Variants in ZNF260 observed in about 807,000 individuals in gnomAD.
ZNF260 encodes zfp-260.
ZNF260 carries 21 observed loss-of-function variants against 29.3 expected under a neutral mutation model. That is an observed-to-expected ratio of 0.72 (90% CI 0.51 to 1.03). The LOEUF (loss-of-function observed/expected upper bound fraction) is 1.03, where lower values mean the gene tolerates loss of function less well. Ranked by LOEUF, ZNF260 falls within the 50% of genes least tolerant of loss-of-function variation. The probability of loss-of-function intolerance (pLI) is 0.00; values close to 1 mark genes in which losing one functional copy is unlikely to be tolerated. For synonymous variants in ZNF260, 156 were observed against 156.8 expected (o/e 0.99, Z 0.04); for missense variants, 465 against 487.8 (o/e 0.95, Z 0.44).
rs1467675807 is a variant in ZNF260 at position 36,525,195 on chromosome 19, T to C, written c.-502A>G. On this transcript the variant is annotated 5_prime_UTR_variant, in exon 2 of 3. It removes an upstream start codon present in the reference 5' UTR. Coordinates refer to ENST00000523638, the MANE Select transcript of ZNF260 (RefSeq NM_001166037.2). ...TCACACAAAGAGAACCTTCTTTACA[T>C]TTCTTTCTCAATCATCTGTTGCTGT... is the stretch of plus-strand genomic sequence containing the variant. The C allele has an allele frequency of 2.6e-5, 4 of 152,238 alleles. No individual in the cohort carries two copies. The East Asian group carries it at 7.7e-4, about 29-fold the overall frequency. The allele number at this position is 152,238 out of a possible 1,614,324, so 9.4% of individuals were successfully genotyped here. A position where few individuals can be genotyped will look rare whatever the true frequency, so the allele number is the denominator to read the frequency against.
In ZNF260 at chr19:36,514,566, A is replaced by G; in HGVS notation, c.673T>C (p.Cys225Arg). 3 of 1,613,886 alleles carry G rather than the reference A, an allele frequency of 1.9e-6. No individual in the cohort carries two copies. In the South Asian group the frequency reaches 3.3e-5, roughly 18 times the overall value. The change falls in exon 3 of 3, where the codon TGT becomes CGT. Residue 225 changes from cysteine (C) to arginine (R), a missense_variant. By Grantham distance (180) the Cys-to-Arg change is radical. Coordinates refer to ENST00000523638, the MANE Select transcript of ZNF260 (RefSeq NM_001166037.2). ...GACTTCTGAATGAAAGCTTTCCCACACCCTTTACATTCATAAGGTTTCTCT... is the reference window on the plus strand; with the variant it reads ...GACTTCTGAATGAAAGCTTTCCCACGCCCTTTACATTCATAAGGTTTCTCT... ...TGEKPYECKG[C>R]GKAFIQKSSL...
intron 2 of ZNF260, among the ~76,000 whole-genome samples, chr19:36,524,697 A>T (rs1358855431): frequency 6.6e-6 from 1 of 151,782 alleles, no homozygotes; most frequent in Non-Finnish European, 1.5e-5. Context: ...GGTACTTAAG[A>T]TTAGGGAGTG....
chr19:36,510,726 A>G lies in ZNF260; in HGVS notation c.*3274T>C, dbSNP rs1217770538. 6.6e-6 allele frequency: 1 copy of G among 152,228 alleles called. No homozygotes were observed. The highest frequency in any genetic ancestry group is 1.5e-5 in the Non-Finnish European group (1 of 68,028). 9.4% of individuals were successfully genotyped at this position (152,228 alleles called of 1,614,324 possible). The stretch of plus-strand genomic sequence containing the variant: ...ATGAATTTTTATTGTACCATTTCTT[A>G]TGGTGGCAAATAAGCAAACTGTGAG... On this transcript the variant is annotated 3_prime_UTR_variant, in exon 3 of 3. Transcript: ENST00000523638.
intron 2 of ZNF260, among the ~76,000 whole-genome samples, chr19:36,519,698 C>CA (rs1488168818): frequency 6.6e-6 from 1 of 151,614 alleles, no homozygotes; most frequent in African/African-American, 2.4e-5. Flanking sequence ...ATACTCTGAC[C>CA]AAAAAAACAA....
intron 2 of ZNF260, among the ~76,000 whole-genome samples, chr19:36,520,859 CAAAAAAAA>C (rs35180207): frequency 9.3e-4 from 61 of 65,896 alleles, no homozygotes; most frequent in Non-Finnish European, 1.4e-3. Flanking sequence ...GATTCCGTCT[CAAAAAAAA>C]AAAAAAAAAA....
chr19:36,526,278 C>CGA lies in ZNF260; in HGVS notation c.-680-906_-680-905insTC, dbSNP rs1158001218. Reference sequence around the variant, plus strand: ...ATATAAAGCCAGGCATGGTGGCTCACGCCTGTAATCCCAGCACTTTGGGAG... The same window carrying CGA: ...ATATAAAGCCAGGCATGGTGGCTCACGAGCCTGTAATCCCAGCACTTTGGGAG... On this transcript the variant is annotated intron_variant, in intron 1 of 2. Transcript: ENST00000523638. Among the ~76,000 whole-genome samples the CGA allele has an allele frequency of 2.3e-4, 35 of 152,240 alleles. No individual in the cohort carries two copies. The South Asian group carries it at 2.9e-3, about 13-fold the overall frequency.
chr19:36,520,859 CA>C (rs35180207), intron 2 of ZNF260, among the ~76,000 whole-genome samples: 24,860 of 65,892 alleles, frequency 0.38, 1,904 homozygotes, highest in South Asian at 0.42. Flanking sequence ...GATTCCGTCT[CA>C]AAAAAAAAAA....
Position 36,514,409 on chromosome 19 carries a change from T to C in ZNF260, c.830A>G (p.Lys277Arg), listed in dbSNP as rs755915441. 8 of 1,613,462 alleles carry C rather than the reference T, an allele frequency of 5.0e-6. No individual in the cohort carries two copies. Among genetic ancestry groups the C allele is most frequent in the Admixed American group, 1.7e-5 (1 of 59,988 alleles). The change falls in exon 3 of 3, where the codon AAA becomes AGA. Residue 277 changes from lysine to arginine, a missense_variant. By Grantham distance (26) the Lys-to-Arg change is conservative (BLOSUM62 2). Transcript: ENST00000523638. ...EKIHIGEKPY[K>R]CNECGTIFRQ... ...GAAGATTGTTCCACATTCATTACAT[T>C]TGTAGGGTTTCTCTCCAATATGAAT...
At chr19:36,526,319 C>T (rs1238629443) in intron 1 of ZNF260, among the ~76,000 whole-genome samples, 2 of 152,038 alleles carry the variant, frequency 1.3e-5, no homozygotes, top group South Asian at 4.2e-4. Flanking sequence ...GGCAGGCTGA[C>T]CACCTGAGGT....
intron 2 of ZNF260, among the ~76,000 whole-genome samples, chr19:36,522,782 A>G (rs754252430): frequency 2.0e-5 from 3 of 152,216 alleles, no homozygotes; most frequent in Non-Finnish European, 4.4e-5. Flanking sequence ...GGAGGAATCC[A>G]TATGTTTCAG....
intron 1 of ZNF260, among the ~76,000 whole-genome samples, chr19:36,526,143 A>T (rs1382156972): frequency 6.6e-6 from 1 of 152,242 alleles, no homozygotes; most frequent in Non-Finnish European, 1.5e-5. Context: ...GAGAAGTTAA[A>T]TATAGTAAGT....
intron 2 of ZNF260, among the ~76,000 whole-genome samples, chr19:36,524,352 T>C (rs1039632011): frequency 2.0e-5 from 3 of 151,750 alleles, no homozygotes; most frequent in Non-Finnish European, 4.4e-5. Flanking sequence ...ATTTTGTTTT[T>C]GTATTTTTAG....
intron 2 of ZNF260, among the ~76,000 whole-genome samples, chr19:36,515,992 C>T (rs750192042): frequency 6.6e-6 from 1 of 151,974 alleles, no homozygotes; most frequent in Non-Finnish European, 1.5e-5. Context: ...CTGCCTCAGC[C>T]TCCCGAGTAG....
chr19:36,515,341 T>A lies in ZNF260; in HGVS notation c.-103A>T. ...AATTCATATGGTGTATTTTCAATATTAATTCTCAGGTATCTAATGAAGTTA... is the reference window on the plus strand; with the variant it reads ...AATTCATATGGTGTATTTTCAATATAAATTCTCAGGTATCTAATGAAGTTA... On this transcript the variant is annotated 5_prime_UTR_variant, in exon 3 of 3. Transcript: ENST00000523638. 8.2e-7 allele frequency: 1 copy of A among 1,221,756 alleles called. No individual in the cohort carries two copies. The highest frequency in any genetic ancestry group is 1.1e-6 in the Non-Finnish European group (1 of 908,340). 75.7% of individuals were successfully genotyped at this position (1,221,756 alleles called of 1,614,324 possible).
intron 2 of ZNF260, among the ~76,000 whole-genome samples, chr19:36,520,859 CAA>C (rs35180207): frequency 4.9e-3 from 325 of 65,874 alleles, no homozygotes; most frequent in African/African-American, 0.018. Flanking sequence ...GATTCCGTCT[CAA>C]AAAAAAAAAA....
At chr19:36,520,666 C>T (rs1186304218) in intron 2 of ZNF260, among the ~76,000 whole-genome samples, 1 of 152,022 alleles carries the variant, frequency 6.6e-6, no homozygotes, top group Admixed American at 6.6e-5. Context: ...CTCTGGCTAA[C>T]ATGGTGAAAC....
At position 36,522,492 on chromosome 19, in the gene ZNF260, C is replaced by T. The variant is rs151020136; in HGVS notation, c.-462+2663G>A. On this transcript the variant is annotated intron_variant, in intron 2 of 2. Coordinates refer to ENST00000523638, the MANE Select transcript of ZNF260 (RefSeq NM_001166037.2). ...TAAATAAATAAAATAAAAAAAAACA[C>T]CACAAGGTTGGCAAACTAAAAGAGT... 2.6e-5 allele frequency among the ~76,000 whole-genome samples: 4 copies of T among 152,088 alleles called. No homozygotes were observed. The East Asian group carries it at 7.7e-4, about 29-fold the overall frequency.
chr19:36,512,515 T>C lies in ZNF260; in HGVS notation c.*1485A>G, dbSNP rs2034467838. ...TTGGTAACATTTCCCTTCCACCTCCTTTCTTCCTAGAGGTAACCACTCCAC... is the reference window on the plus strand; with the variant it reads ...TTGGTAACATTTCCCTTCCACCTCCCTTCTTCCTAGAGGTAACCACTCCAC... On this transcript the variant is annotated 3_prime_UTR_variant, in exon 3 of 3. Transcript: ENST00000523638. 6.6e-6 allele frequency: 1 copy of C among 152,182 alleles called. No individual in the cohort carries two copies. Among genetic ancestry groups the C allele is most frequent in the South Asian group, 2.1e-4 (1 of 4,834 alleles). 9.4% of individuals were successfully genotyped at this position (152,182 alleles called of 1,614,324 possible).
In ZNF260 at chr19:36,515,659, A is replaced by C; in HGVS notation, c.-421T>G. 1 of 166,394 alleles carries C rather than the reference A, an allele frequency of 6.0e-6. No homozygotes were observed. 10.3% of individuals were successfully genotyped at this position (166,394 alleles called of 1,614,324 possible). A position where few individuals can be genotyped will look rare whatever the true frequency, so the allele number is the denominator to read the frequency against. On this transcript the variant is annotated 5_prime_UTR_variant, in exon 3 of 3. An upstream start codon of the reference 5' UTR is lost. Transcript: ENST00000523638. ...ATGAGACTTAACTTACAAGTCTTTC[A>C]TGTTGCGTCTTTATCTGTTTATAAA... is the stretch of plus-strand genomic sequence containing the variant.
Sources: gnomAD v4.1 joint callset for allele counts (sites outside exome capture counted in the v4.1 genomes callset) on GRCh38, gnomAD v4.1.1 for gene constraint, MANE v1.5 for transcripts, NCBI Gene and HGNC (gene_info 2026-07-23, HGNC 2026-07-21) for gene names.